The following PPARGC1A variants were observed in gnomAD, a reference collection of about 807,000 sequenced individuals.
PPARGC1A encodes the protein PPARG coactivator 1 alpha, also known as peroxisome proliferator-activated receptor gamma coactivator 1-alpha.
A neutral mutation model predicts 88.7 loss-of-function variants in PPARGC1A; 25 were observed. The observed-to-expected ratio is 0.28, with a 90% CI of 0.21 to 0.39. PPARGC1A has a LOEUF of 0.39. Ranked by LOEUF, PPARGC1A falls within the 10% of genes least tolerant of loss-of-function variation. The pLI, the probability that PPARGC1A is intolerant of heterozygous loss-of-function variation, is 1.00. For missense variants in PPARGC1A, 880 were observed against 968.7 expected (o/e 0.91, Z 1.22); for synonymous variants, 363 against 355.6 (o/e 1.02, Z -0.24).
chr4:23,846,007 A>G (rs78196486), intron 2 of PPARGC1A, among the ~76,000 whole-genome samples: 33,470 of 152,144 alleles, frequency 0.22, 4,841 homozygotes, highest in Admixed American at 0.34. Flanking sequence ...GTGGAGAAGC[A>G]TATGACATTG....
the PPARGC1A span, among the ~76,000 whole-genome samples, chr4:24,471,230 C>T: frequency 6.6e-6 from 1 of 152,042 alleles, no homozygotes; most frequent in Non-Finnish European, 1.5e-5. The surrounding 1 kb of genome is among the most constrained non-coding windows in gnomAD (Gnocchi z 5.4). Context: ...CTGGACCGCC[C>T]ACCGAGTAGC....
chr4:24,013,718 CAATT>C, the PPARGC1A span, among the ~76,000 whole-genome samples: 2 of 152,214 alleles, frequency 1.3e-5, no homozygotes, highest in African/African-American at 2.4e-5. Flanking sequence ...GTTCATTAAA[CAATT>C]AAATTTTTGG....
chr4:24,370,077 A>G, the PPARGC1A span, among the ~76,000 whole-genome samples: 1 of 152,266 alleles, frequency 6.6e-6, no homozygotes, highest in African/African-American at 2.4e-5. Flanking sequence ...AACAAGCTTC[A>G]GGCTCACAGC....
the PPARGC1A span, among the ~76,000 whole-genome samples, chr4:24,385,333 C>G: frequency 6.6e-6 from 1 of 152,078 alleles, no homozygotes; most frequent in East Asian, 1.9e-4. Flanking sequence ...ATTGAAAGAA[C>G]TAGAGAAGCA....
chr4:24,080,890 G>T, the PPARGC1A span, among the ~76,000 whole-genome samples: 53 of 152,174 alleles, frequency 3.5e-4, no homozygotes, highest in African/African-American at 9.9e-4. Context: ...ACGATTTGTT[G>T]ATAGGAGTTT....
chr4:23,942,383 G>C, the PPARGC1A span, among the ~76,000 whole-genome samples: 1 of 152,106 alleles, frequency 6.6e-6, no homozygotes, highest in African/African-American at 2.4e-5. Flanking sequence ...GCATGGTCAG[G>C]TTAAACAGAA....
chr4:23,840,971 G>T (rs1726958256), intron 2 of PPARGC1A, among the ~76,000 whole-genome samples: 1 of 152,074 alleles, frequency 6.6e-6, no homozygotes, highest in Non-Finnish European at 1.5e-5. Context: ...GAAAGAATAT[G>T]AACAGCTACA....
intron 4 of PPARGC1A, among the ~76,000 whole-genome samples, chr4:23,828,864 A>C (rs1277514351): frequency 6.6e-6 from 1 of 152,174 alleles, no homozygotes; most frequent in Non-Finnish European, 1.5e-5. Context: ...ACAAGACCCT[A>C]CAGCGCCTTT....
chr4:24,352,268 T>C, the PPARGC1A span, among the ~76,000 whole-genome samples: 1 of 151,832 alleles, frequency 6.6e-6, no homozygotes, highest in East Asian at 1.9e-4. Flanking sequence ...GGCACACAGC[T>C]CAAAGGCATC....
At chr4:23,806,408 G>A (rs1719817475) in intron 10 of PPARGC1A, among the ~76,000 whole-genome samples, 1 of 152,176 alleles carries the variant, frequency 6.6e-6, no homozygotes, top group South Asian at 2.1e-4. Flanking sequence ...AACATTTGCA[G>A]CCAATTTTTC....
chr4:24,148,801 T>C, the PPARGC1A span, among the ~76,000 whole-genome samples: 17 of 152,306 alleles, frequency 1.1e-4, no homozygotes, highest in African/African-American at 3.6e-4. Context: ...CATGTAGACA[T>C]GGACATGATA....
At chr4:23,815,605 G>A (rs374775309) in intron 7 of PPARGC1A, among the ~76,000 whole-genome samples, 2 of 152,096 alleles carry the variant, frequency 1.3e-5, no homozygotes, top group South Asian at 2.1e-4. Context: ...GGGAGAGTCC[G>A]TGAAGCGTAG....
chr4:23,860,610 C>T (rs1006236145), intron 2 of PPARGC1A, among the ~76,000 whole-genome samples: 1 of 152,110 alleles, frequency 6.6e-6, no homozygotes, highest in African/African-American at 2.4e-5. Flanking sequence ...TAAAATAAGT[C>T]TCTGATAACA....
At chr4:24,339,214 A>G in the PPARGC1A span, among the ~76,000 whole-genome samples, 3,308 of 43,984 alleles carry the variant, frequency 0.075, 48 homozygotes, top group Admixed American at 0.098. Flanking sequence ...GTGTGTGTGT[A>G]TATATATATA....
At chr4:24,103,482 C>T in the PPARGC1A span, among the ~76,000 whole-genome samples, 2 of 151,506 alleles carry the variant, frequency 1.3e-5, no homozygotes, top group Admixed American at 1.3e-4. Flanking sequence ...CAGAGCCCTC[C>T]AACACAGAGC....
the PPARGC1A span, among the ~76,000 whole-genome samples, chr4:24,365,561 C>A: frequency 6.6e-6 from 1 of 152,136 alleles, no homozygotes; most frequent in Non-Finnish European, 1.5e-5. Context: ...CAATTCTTTG[C>A]AGTAATTTTA....
the PPARGC1A span, among the ~76,000 whole-genome samples, chr4:24,016,813 A>C: frequency 6.6e-6 from 1 of 152,214 alleles, no homozygotes; most frequent in African/African-American, 2.4e-5. Context: ...CAATAGATCT[A>C]AATGGTTGAC....
the PPARGC1A span, among the ~76,000 whole-genome samples, chr4:23,991,722 A>G: frequency 6.6e-6 from 1 of 151,966 alleles, no homozygotes; most frequent in Admixed American, 6.6e-5. Flanking sequence ...AAAACATCAC[A>G]CTAACAAGAG....
the PPARGC1A span, among the ~76,000 whole-genome samples, chr4:23,987,830 T>C: frequency 1.3e-5 from 2 of 152,026 alleles, no homozygotes; most frequent in South Asian, 4.1e-4. Flanking sequence ...GGGGTACATA[T>C]GTAGAATGTG....
Sources: gnomAD v4.1 joint callset for allele counts (sites outside exome capture counted in the v4.1 genomes callset) on GRCh38, gnomAD v4.1.1 for gene constraint, Gnocchi (gnomAD v3.1) non-coding constraint, MANE v1.5 for transcripts, NCBI Gene and HGNC (gene_info 2026-07-23, HGNC 2026-07-21) for gene names.